The following WDR27 variants were observed in gnomAD, a reference collection of about 807,000 sequenced individuals.
WDR27 encodes WD repeat domain 27.
WDR27 carries 100 observed loss-of-function variants against 114.4 expected under a neutral mutation model. The observed-to-expected ratio is 0.87, with a 90% CI of 0.74 to 1.03. The LOEUF is 1.03. Ranked by LOEUF, WDR27 falls within the 50% of genes least tolerant of loss-of-function variation. The pLI, the probability that WDR27 is intolerant of heterozygous loss-of-function variation, is 0.00. For synonymous variants in WDR27, 449 were observed against 423.1 expected (o/e 1.06, Z -0.75); for missense variants, 1,129 against 1,092.9 (o/e 1.03, Z -0.47).
At chr6:169,625,471 C>A (rs2128205937) in intron 21 of WDR27, among the ~76,000 whole-genome samples, 1 of 152,338 alleles carries the variant, frequency 6.6e-6, no homozygotes, top group African/African-American at 2.4e-5. Flanking sequence ...AAGGGTCTGC[C>A]CGTGACCCGG....
intron 21 of WDR27, among the ~76,000 whole-genome samples, chr6:169,622,036 G>C (rs897611652): frequency 1.6e-4 from 25 of 152,120 alleles, no homozygotes; most frequent in African/African-American, 6.0e-4. Flanking sequence ...TCACCCCTCT[G>C]CTCACTGAGA....
chr6:169,559,796 C>T (rs548994043), intron 25 of WDR27: 17 of 152,278 alleles, frequency 1.1e-4, no homozygotes, highest in South Asian at 8.3e-4. Flanking sequence ...CTCTGTGGTG[C>T]GTAGGTGGGC....
chr6:169,553,032 A>ATGTGTGTGT (rs1798391290), intron 25 of WDR27, among the ~76,000 whole-genome samples: 1 of 34,940 alleles, frequency 2.9e-5, no homozygotes, highest in Non-Finnish European at 6.2e-5. Flanking sequence ...GTGTGTATGC[A>ATGTGTGTGT]GGGAGGTGGG....
intron 25 of WDR27, among the ~76,000 whole-genome samples, chr6:169,502,536 G>A (rs1009738571): frequency 2.0e-5 from 3 of 152,196 alleles, no homozygotes; most frequent in African/African-American, 7.2e-5. Flanking sequence ...GCAAAGGGCT[G>A]GTTCCCTCTG....
chr6:169,434,694 G>A, the WDR27 span, among the ~76,000 whole-genome samples: 1 of 152,160 alleles, frequency 6.6e-6, no homozygotes, highest in Non-Finnish European at 1.5e-5. Context: ...AAATTTCTAA[G>A]CAGCAAAGCA....
intron 25 of WDR27, among the ~76,000 whole-genome samples, chr6:169,493,022 T>C (rs1055898383): frequency 2.0e-5 from 3 of 152,062 alleles, no homozygotes; most frequent in Admixed American, 6.5e-5. Flanking sequence ...AATTCATATG[T>C]AGAAATAAGT....
intron 25 of WDR27, among the ~76,000 whole-genome samples, chr6:169,555,169 C>T (rs973711407): frequency 7.9e-5 from 12 of 152,108 alleles, no homozygotes; most frequent in Admixed American, 3.3e-4. Flanking sequence ...ATGTGATGCC[C>T]GGGTCCTCTT....
At chr6:169,701,266 T>C (rs1787937654) in intron 1 of WDR27, among the ~76,000 whole-genome samples, 1 of 152,236 alleles carries the variant, frequency 6.6e-6, no homozygotes, top group South Asian at 2.1e-4. Flanking sequence ...CCCTTCTGAT[T>C]AGAAAAGATC....
intron 25 of WDR27, among the ~76,000 whole-genome samples, chr6:169,551,756 GAAAA>G (rs1004859519): frequency 4.1e-4 from 17 of 41,952 alleles, no homozygotes; most frequent in Non-Finnish European, 9.9e-4. Context: ...AAAAAAAAAA[GAAAA>G]AGAAAAGAAA....
intron 25 of WDR27, among the ~76,000 whole-genome samples, chr6:169,502,220 G>C (rs1044716592): frequency 6.6e-6 from 1 of 152,194 alleles, no homozygotes; most frequent in Non-Finnish European, 1.5e-5. Context: ...CTGGCGGGAC[G>C]ACCGCGGCCT....
chr6:169,450,400 T>C, the WDR27 span, among the ~76,000 whole-genome samples: 8 of 152,206 alleles, frequency 5.3e-5, no homozygotes, highest in Non-Finnish European at 8.8e-5. Context: ...GCTCTAAAGA[T>C]ACTGTTGAAT....
At chr6:169,630,894 A>AAGTC (rs111790406) in intron 21 of WDR27, among the ~76,000 whole-genome samples, 1 of 151,534 alleles carries the variant, frequency 6.6e-6, no homozygotes, top group African/African-American at 2.4e-5. Flanking sequence ...ATTCCATCTC[A>AAGTC]AATCAATCAA....
the WDR27 span, among the ~76,000 whole-genome samples, chr6:169,437,752 A>G: frequency 6.6e-6 from 1 of 152,168 alleles, no homozygotes; most frequent in Admixed American, 6.5e-5. Context: ...CTCTAAAAAC[A>G]ATTTTTATAG....
rs1825266592 is a variant in WDR27, at chr6:169,659,286, T to G, written c.1198-79A>C. On this transcript the variant is annotated intron_variant, in intron 11 of 25. Coordinates refer to ENST00000448612, the MANE Select transcript of WDR27 (RefSeq NM_182552.5). This position sits in a 1 kb window ranked among gnomAD's most constrained non-coding sequence, Gnocchi z 4.3. ...GAAACGTGCATCCGCACACGTATCC[T>G]AACAGCTGCTTCATTCTCATAGCAG... 1.3e-6 allele frequency: 2 copies of G among 1,557,402 alleles called. No individual in the cohort carries two copies. Among genetic ancestry groups the G allele is most frequent in the African/African-American group, 2.7e-5 (2 of 73,404 alleles).
intron 25 of WDR27, among the ~76,000 whole-genome samples, chr6:169,480,098 G>A (rs557402114): frequency 1.8e-4 from 28 of 152,194 alleles, no homozygotes; most frequent in Non-Finnish European, 3.4e-4. Flanking sequence ...TGAGTTCCAG[G>A]TGGATGCGGG....
chr6:169,484,476 G>A (rs1485411575), intron 25 of WDR27, among the ~76,000 whole-genome samples: 1 of 152,092 alleles, frequency 6.6e-6, no homozygotes, highest in Non-Finnish European at 1.5e-5. Flanking sequence ...GGAGGTGAAA[G>A]ACATCTACAA....
chr6:169,597,391 T>C (rs1328227074), intron 23 of WDR27, among the ~76,000 whole-genome samples: 10 of 151,832 alleles, frequency 6.6e-5, no homozygotes, highest in Admixed American at 6.6e-4. Flanking sequence ...GACTGAAAGC[T>C]AAATGCTATG....
chr6:169,643,202 T>C (rs936623229), intron 17 of WDR27, among the ~76,000 whole-genome samples: 2 of 152,212 alleles, frequency 1.3e-5, no homozygotes, highest in African/African-American at 2.4e-5. Context: ...TGGCAGGTTT[T>C]ATGGGATTAG....
intron 25 of WDR27, among the ~76,000 whole-genome samples, chr6:169,572,129 A>G (rs561641479): frequency 6.6e-6 from 1 of 152,330 alleles, no homozygotes; most frequent in East Asian, 1.9e-4. Flanking sequence ...GGAAACATAT[A>G]GTGTAAATAC....
Sources: allele counts gnomAD v4.1 joint callset (sites outside exome capture counted in the v4.1 genomes callset), GRCh38; gene constraint gnomAD v4.1.1; non-coding constraint Gnocchi (gnomAD v3.1); transcripts MANE v1.5; gene names NCBI Gene and HGNC (gene_info 2026-07-23, HGNC 2026-07-21).